Variants in CHFR observed in about 807,000 individuals in gnomAD.
CHFR encodes E3 ubiquitin-protein ligase CHFR.
In CHFR, 57 loss-of-function variants were observed where a neutral mutation model predicts 87.6. The observed-to-expected ratio is 0.65, with a 90% CI of 0.53 to 0.81. CHFR has a LOEUF of 0.81. Ranked by LOEUF, CHFR falls within the 30% of genes least tolerant of loss-of-function variation. CHFR has a pLI of 0.00. For synonymous variants in CHFR, 381 were observed against 359.2 expected (o/e 1.06, Z -0.69); for missense variants, 797 against 865.8 (o/e 0.92, Z 1.00).
At chr12:132,848,856 G>A in intron 12 of CHFR, 132 bp from the exon 13 acceptor site, 1 of 665,252 alleles carries the variant, frequency 1.5e-6, no homozygotes, top group Admixed American at 2.7e-5. Flanking sequence ...GGAAATCGGG[G>A]CGGGGCCACA....
At chr12:132,873,275 C>T (rs1951534046) in intron 3 of CHFR, among the ~76,000 whole-genome samples, 1 of 152,126 alleles carries the variant, frequency 6.6e-6, no homozygotes, top group Admixed American at 6.6e-5. Flanking sequence ...TTGTGGTCAC[C>T]ATTGCCACTA....
At position 132,856,594 on chromosome 12, in the gene CHFR, T is replaced by G. The variant is rs748309050; in HGVS notation, c.1103A>C (p.Asp368Ala). 24 of 1,614,172 alleles carry G rather than the reference T, an allele frequency of 1.5e-5. No homozygotes were observed. The highest frequency in any genetic ancestry group is 2.0e-5 in the Non-Finnish European group (24 of 1,180,000). Residue 368 changes from aspartate to alanine, a missense_variant, in exon 10 of 18, where the codon GAT becomes GCT. This residue lies in a region of CHFR where 597 missense variants were observed against 601.2 expected (regional missense o/e 0.99). Transcript: ENST00000450056. ...GTCTTGAGTGATTTTATTTCTGGCA[T>G]CCATACTTTGCACATCTTCTTCACT... The part of the protein sequence containing the change: ...SRSEEDVQSM[D>A]ARNKITQDML...
chr12:132,886,661 T>C (rs552651960), intron 2 of CHFR, among the ~76,000 whole-genome samples: 3 of 152,298 alleles, frequency 2.0e-5, no homozygotes, highest in East Asian at 3.9e-4. Flanking sequence ...AATAAATAAA[T>C]ATTCTAGGGG....
Position 132,857,408 on chromosome 12 carries a change from G to A in CHFR, c.1063C>T (p.Pro355Ser). 1 of 1,614,154 alleles carries A rather than the reference G, an allele frequency of 6.2e-7. No homozygotes were observed. ...NLVEAYLIQH[P>S]DKSRSEEDVQ... ...TGGTGTGGATGCCCTCACTTGCCTGGATGCTGGATGAGGTATGCTTCCACG... is the reference window on the plus strand; with the variant it reads ...TGGTGTGGATGCCCTCACTTGCCTGAATGCTGGATGAGGTATGCTTCCACG... Residue 355 changes from proline (P) to serine (S), a missense_variant, in exon 9 of 18, where the codon CCA (proline) becomes TCA (serine). Physicochemically the swap from Pro to Ser is moderately conservative, Grantham distance 74. Transcript: ENST00000450056.
rs1950865942 is a variant in CHFR at position 132,848,107 on chromosome 12, CTGT to C, written c.1622_1624del (p.Asn541del). 1.9e-6 allele frequency: 3 copies of C among 1,614,120 alleles called. No homozygotes were observed. Among genetic ancestry groups the C allele is most frequent in the Non-Finnish European group, 2.5e-6 (3 of 1,180,030 alleles). On this transcript the variant is annotated inframe_deletion, in exon 14 of 18. Coordinates refer to ENST00000450056, the MANE Select transcript of CHFR (RefSeq NM_001161346.2). ...TACCTTCAGGATGTCTGACTCGTAG[CTGT>C]TGTTGTTCAGCACGCCGTCCAGACA... is the stretch of plus-strand genomic sequence containing the variant.
chr12:132,858,935 G>A, intron 8 of CHFR, 133 bp downstream of exon 8: 3 of 825,966 alleles, frequency 3.6e-6, no homozygotes, highest in South Asian at 3.7e-5. Context: ...CACTTATCTG[G>A]GTGACAGAGT....
At chr12:132,860,302 T>C (rs765399506) in intron 7 of CHFR, among the ~76,000 whole-genome samples, 35 of 152,210 alleles carry the variant, frequency 2.3e-4, no homozygotes, top group Admixed American at 9.2e-4. Flanking sequence ...CATTAACAGA[T>C]TACATTAGTT....
At position 132,834,906 on chromosome 12, in the gene CHFR, AC is replaced by A. The variant is rs1261540812; in HGVS notation, c.*6647del. 6.7e-6 allele frequency: 1 copy of A among 149,434 alleles called. No individual in the cohort carries two copies. The highest frequency in any genetic ancestry group is 2.5e-5 in the African/African-American group (1 of 40,416). 9.3% of individuals were successfully genotyped at this position (149,434 alleles called of 1,614,324 possible). On this transcript the variant is annotated 3_prime_UTR_variant, in exon 18 of 18. Coordinates refer to ENST00000450056, the MANE Select transcript of CHFR (RefSeq NM_001161346.2). ...AATTTTTTGGTATTTTTTAGTAGAG[AC>A]GGGGTTTCACCATGTTAGCCAGGAT...
At chr12:132,862,212 T>C (rs1593484144) in intron 6 of CHFR, 4 of 204,590 alleles carry the variant, frequency 2.0e-5, no homozygotes, top group South Asian at 1.7e-4. Flanking sequence ...GAGGCGGAGG[T>C]TGCAGTGAGC....
In CHFR at chr12:132,835,824, G is replaced by A. The variant is rs2136896705; in HGVS notation, c.*5730C>T. On this transcript the variant is annotated 3_prime_UTR_variant, in exon 18 of 18. Transcript: ENST00000450056. ...CCCAGCACAGCGCACGGCCCTCACAGTGCCAGGCTCCCAGCACAGCGCACG... is the reference window on the plus strand; with the variant it reads ...CCCAGCACAGCGCACGGCCCTCACAATGCCAGGCTCCCAGCACAGCGCACG... 2 of 330,678 alleles carry A rather than the reference G, an allele frequency of 6.0e-6. No homozygotes were observed. Among genetic ancestry groups the A allele is most frequent in the South Asian group, 4.5e-5 (2 of 44,838 alleles). 20.5% of individuals were successfully genotyped at this position (330,678 alleles called of 1,614,324 possible). A position where few individuals can be genotyped will look rare whatever the true frequency, so the allele number is the denominator to read the frequency against.
chr12:132,848,944 T>G (rs1374757681), intron 12 of CHFR: 2 of 529,122 alleles, frequency 3.8e-6, no homozygotes, highest in Non-Finnish European at 6.7e-6. Context: ...AGGCTCACAT[T>G]TTCTGGTTTG....
intron 2 of CHFR, among the ~76,000 whole-genome samples, chr12:132,886,813 C>G (rs1389830043): frequency 6.6e-6 from 1 of 152,192 alleles, no homozygotes; most frequent in Non-Finnish European, 1.5e-5. Flanking sequence ...GTTGTAAAGA[C>G]TTATTTGACC....
chr12:132,848,339 T>A (rs1950870284), intron 13 of CHFR, 184 bp from the exon 14 acceptor site: 4 of 1,161,630 alleles, frequency 3.4e-6, no homozygotes, highest in Admixed American at 4.0e-5. Context: ...CACTCCCTCC[T>A]TAAAAAGATC....
chr12:132,841,193 A>T lies in CHFR; in HGVS notation c.*361T>A. 4.7e-6 allele frequency: 1 copy of T among 211,752 alleles called. No individual in the cohort carries two copies. The highest frequency in any genetic ancestry group is 1.1e-4 in the South Asian group (1 of 9,164). The allele number at this position is 211,752 out of a possible 1,614,324, so 13.1% of individuals were successfully genotyped here. On this transcript the variant is annotated 3_prime_UTR_variant, in exon 18 of 18. Coordinates refer to ENST00000450056, the MANE Select transcript of CHFR (RefSeq NM_001161346.2). ...TGATAAACTTGCCCTTCTCCCTTGA[A>T]ACTTTTCCTAAAAACAGACTTCTGC...
chr12:132,854,687 T>C (rs558037750), intron 10 of CHFR: 1 of 152,108 alleles, frequency 6.6e-6, no homozygotes, highest in East Asian at 1.9e-4. Flanking sequence ...GAGCCTGTAG[T>C]CCCAGCTACT....
At chr12:132,885,303 C>T (rs1164875543) in intron 2 of CHFR, among the ~76,000 whole-genome samples, 1 of 150,260 alleles carries the variant, frequency 6.7e-6, no homozygotes, top group African/African-American at 2.4e-5. Flanking sequence ...CCCAGCTACT[C>T]GGGAGGCTGA....
chr12:132,861,623 C>T lies in CHFR; in HGVS notation c.595G>A (p.Gly199Ser). Residue 199 changes from glycine to serine, a missense_variant, in exon 7 of 18, where the codon GGT becomes AGT. This residue lies in a region of CHFR where 597 missense variants were observed against 601.2 expected (regional missense o/e 0.99). Coordinates refer to ENST00000450056, the MANE Select transcript of CHFR (RefSeq NM_001161346.2). The stretch of plus-strand genomic sequence containing the variant: ...CCACTTCCTTTAGGGGAGATGCCAC[C>T]ACCCCCAGACCCTGTGAGAGGAATC... ...ERSSSCGSGG[G>S]GISPKGSGPS... 1 of 1,614,088 alleles carries T rather than the reference C, an allele frequency of 6.2e-7. No individual in the cohort carries two copies. Among genetic ancestry groups the T allele is most frequent in the Non-Finnish European group, 8.5e-7 (1 of 1,179,988 alleles).
Position 132,861,643 on chromosome 12 carries a change from G to A in CHFR, c.584-9C>T, listed in dbSNP as rs1002973169. On this transcript the variant is annotated splice_polypyrimidine_tract_variant and intron_variant, in intron 6 of 17. Coordinates refer to ENST00000450056, the MANE Select transcript of CHFR (RefSeq NM_001161346.2). ...GCCACCACCCCCAGACCCTGTGAGA[G>A]GAATCAAACAAGATAGGTGCTGATC... 6.2e-7 allele frequency: 1 copy of A among 1,613,264 alleles called. No homozygotes were observed. The highest frequency in any genetic ancestry group is 8.5e-7 in the Non-Finnish European group (1 of 1,179,472).
Position 132,848,625 on chromosome 12 carries a change from G to A in CHFR, c.1576+16C>T. 6.3e-7 allele frequency: 1 copy of A among 1,577,128 alleles called. No homozygotes were observed. The highest frequency in any genetic ancestry group is 8.6e-7 in the Non-Finnish European group (1 of 1,159,762). ...GCAAAGGTCAAAGCAACTGGGGCCT[G>A]AAGAGCCAGTATTACCACAAAACGG... On this transcript the variant is annotated intron_variant, in intron 13 of 17. Coordinates refer to ENST00000450056, the MANE Select transcript of CHFR (RefSeq NM_001161346.2).
Sources: allele counts gnomAD v4.1 joint callset (sites outside exome capture counted in the v4.1 genomes callset), GRCh38; gene constraint gnomAD v4.1.1; regional missense constraint gnomAD v4.1.1; transcripts MANE v1.5; gene names NCBI Gene and HGNC (gene_info 2026-07-23, HGNC 2026-07-21).